Variants in CNKSR2 observed in about 807,000 individuals in gnomAD.
The protein encoded by CNKSR2 is CNK homolog protein 2.
In CNKSR2, 14 loss-of-function variants were observed where a neutral mutation model predicts 84.4. The ratio of observed to expected loss-of-function variants is 0.17; its 90% confidence interval spans 0.11 to 0.26. The LOEUF is 0.26. CNKSR2 is among the 10% of genes least tolerant of loss of function. The pLI, the probability that CNKSR2 is intolerant of heterozygous loss-of-function variation, is 1.00. For synonymous variants in CNKSR2, 275 were observed against 277.9 expected (o/e 0.99, Z 0.10); for missense variants, 485 against 771.2 (o/e 0.63, Z 4.40).
At chrX:21,595,737 T>C (rs2092447885) in intron 17 of CNKSR2, among the ~76,000 whole-genome samples, 1 of 111,777 alleles carries the variant, frequency 8.9e-6, no homozygotes, top group African/African-American at 3.2e-5. Context: ...AATCGGACTT[T>C]TTGAAGTACT....
intron 1 of CNKSR2, among the ~76,000 whole-genome samples, chrX:21,381,201 T>G: frequency 9.0e-6 from 1 of 111,692 alleles, no homozygotes; most frequent in Non-Finnish European, 1.9e-5. Context: ...GATATTATAT[T>G]CATGATGTAG....
Position 21,374,828 on chromosome X carries a change from G to C in CNKSR2, c.-70G>C, listed in dbSNP as rs926616137. ...GCGGCCAGCAAGGGACCCCACCTGA[G>C]AGCAGCTCGGGCTGCTGAGTTCGTT... On this transcript the variant is annotated 5_prime_UTR_variant, in exon 1 of 22. Transcript: ENST00000379510. 288 of 965,168 alleles carry C rather than the reference G, an allele frequency of 3.0e-4. No homozygotes were observed. The highest frequency in any genetic ancestry group is 9.4e-4 in the Admixed American group (43 of 45,596). 79.5% of individuals were successfully genotyped at this position (965,168 alleles called of 1,213,427 possible). A position where few individuals can be genotyped will look rare whatever the true frequency, so the allele number is the denominator to read the frequency against.
At chrX:21,415,547 G>T (rs180795451) in intron 1 of CNKSR2, among the ~76,000 whole-genome samples, 1 of 101,236 alleles carries the variant, frequency 9.9e-6, no homozygotes, top group Non-Finnish European at 2.0e-5. Context: ...GAGAACATGC[G>T]GTGTTTGGTT....
chrX:21,538,740 G>C (rs1187003265), intron 11 of CNKSR2: 2 of 112,669 alleles, frequency 1.8e-5, no homozygotes, highest in African/African-American at 6.4e-5. Context: ...GTATGTGGCC[G>C]AAGGCCTGAG....
chrX:21,627,435 C>T (rs186752804), intron 20 of CNKSR2, among the ~76,000 whole-genome samples: 1 of 111,376 alleles, frequency 9.0e-6, no homozygotes, highest in Non-Finnish European at 1.9e-5. Flanking sequence ...GGAGGCGGAG[C>T]TGGCAGTGAG....
chrX:21,480,923 G>C (rs1009695111), intron 5 of CNKSR2, among the ~76,000 whole-genome samples: 2 of 112,036 alleles, frequency 1.8e-5, no homozygotes, highest in African/African-American at 6.5e-5. Flanking sequence ...AATGTTCAAA[G>C]CACAGTGGTT....
At chrX:21,456,927 T>C (rs770768162) in intron 4 of CNKSR2, among the ~76,000 whole-genome samples, 1 of 111,749 alleles carries the variant, frequency 8.9e-6, no homozygotes, top group African/African-American at 3.2e-5. Context: ...TGAGATGATA[T>C]CTCATTGTGG....
At chrX:21,644,367 T>A (rs919402234) in intron 20 of CNKSR2, 1 of 112,380 alleles carries the variant, frequency 8.9e-6, no homozygotes, top group African/African-American at 3.2e-5. Flanking sequence ...GGCTTCATTC[T>A]TCAAGAGCCC....
At chrX:21,504,397 A>G (rs1191475650) in intron 8 of CNKSR2, 7 of 113,374 alleles carry the variant, frequency 6.2e-5, no homozygotes, top group African/African-American at 2.3e-4. Flanking sequence ...TGAGATTGCC[A>G]GTATTGTTCC....
At chrX:21,523,570 T>C (rs766948010) in intron 9 of CNKSR2, among the ~76,000 whole-genome samples, 2 of 110,950 alleles carry the variant, frequency 1.8e-5, no homozygotes, top group East Asian at 2.8e-4. Flanking sequence ...GTTGCCAGGA[T>C]AGGAGAAGCT....
chrX:21,587,025 G>T (rs1363348355), intron 13 of CNKSR2, among the ~76,000 whole-genome samples: 1 of 111,753 alleles, frequency 8.9e-6, no homozygotes, highest in Non-Finnish European at 1.9e-5. Context: ...TTGCCAAATA[G>T]AGTGAATTAG....
chrX:21,625,083 CT>C (rs1157609923), intron 20 of CNKSR2, among the ~76,000 whole-genome samples: 1 of 111,700 alleles, frequency 9.0e-6, no homozygotes, highest in Non-Finnish European at 1.9e-5. Context: ...TTAGAGAATG[CT>C]TTTTTAGAAT....
chrX:21,389,526 A>G (rs2090018766), intron 1 of CNKSR2, among the ~76,000 whole-genome samples: 1 of 112,185 alleles, frequency 8.9e-6, no homozygotes, highest in South Asian at 3.6e-4. Context: ...AAGATAAGCT[A>G]TGTCTCATAT....
rs781541567 is a variant in CNKSR2 at position 21,606,817 on chromosome X, CCAT to C, written c.2086_2088del (p.Ser696del). 3.3e-6 allele frequency: 4 copies of C among 1,203,212 alleles called. No individual in the cohort carries two copies. The highest frequency in any genetic ancestry group is 4.5e-6 in the Non-Finnish European group (4 of 888,954). On this transcript the variant is annotated inframe_deletion, in exon 19 of 22. Coordinates refer to ENST00000379510, the MANE Select transcript of CNKSR2 (RefSeq NM_014927.5). ...GAGTGACAAGGAAGAAGCAGATACT[CCAT>C]CAACACCAAAACAAGATAGCCCTCC... is the stretch of plus-strand genomic sequence containing the variant.
chrX:21,610,343 C>A (rs764259185), intron 20 of CNKSR2, among the ~76,000 whole-genome samples: 24 of 111,962 alleles, frequency 2.1e-4, no homozygotes, highest in Non-Finnish European at 4.5e-4. Flanking sequence ...TTATTAAGTT[C>A]TTTATTCAAC....
chrX:21,453,010 C>G (rs956483029), intron 4 of CNKSR2, among the ~76,000 whole-genome samples: 3 of 109,431 alleles, frequency 2.7e-5, no homozygotes, highest in Non-Finnish European at 5.7e-5. Flanking sequence ...GGTTCTCAGG[C>G]CACACTCCTC....
rs146347002 is a variant in CNKSR2, at chrX:21,490,384, G to A, written c.562-75G>A. On this transcript the variant is annotated intron_variant, in intron 5 of 21. Transcript: ENST00000379510. The stretch of plus-strand genomic sequence containing the variant: ...ACTGTTTATTTTTCCTTATGAAAAC[G>A]TTATTACAAAAGGTGATTTATATGT... The A allele has an allele frequency of 8.0e-4, 790 of 992,017 alleles. 4 individuals carry two copies. The East Asian group carries it at 0.022, about 28-fold the overall frequency. 81.8% of individuals were successfully genotyped at this position (992,017 alleles called of 1,213,427 possible). A position where few individuals can be genotyped will look rare whatever the true frequency, so the allele number is the denominator to read the frequency against.
chrX:21,591,371 A>G (rs2092419595), intron 15 of CNKSR2, 177 bp downstream of exon 15: 1 of 324,046 alleles, frequency 3.1e-6, no homozygotes, highest in Admixed American at 5.7e-5. Flanking sequence ...CTAGAAAGAT[A>G]GCTGTCTCAA....
rs772946175 is a variant in CNKSR2 at position 21,529,863 on chromosome X, G to T, written c.1092-1993G>T. Reference sequence around the variant, plus strand: ...AAGGTCCCTCCTTCATATTATTATAGGAAATACCATCCCTTTCAATTTCCT... The same window carrying T: ...AAGGTCCCTCCTTCATATTATTATATGAAATACCATCCCTTTCAATTTCCT... On this transcript the variant is annotated intron_variant, in intron 10 of 21. Transcript: ENST00000379510. Among the ~76,000 whole-genome samples the T allele has an allele frequency of 1.5e-3, 161 of 110,579 alleles. 1 individual carries two copies. Among genetic ancestry groups the T allele is most frequent in the Non-Finnish European group, 2.2e-3 (116 of 52,553 alleles).
Sources: gnomAD v4.1 joint callset for allele counts (sites outside exome capture counted in the v4.1 genomes callset) on GRCh38, gnomAD v4.1.1 for gene constraint, MANE v1.5 for transcripts, NCBI Gene and HGNC (gene_info 2026-07-23, HGNC 2026-07-21) for gene names.